GRAMD1B: variants seen among roughly 807,000 people sequenced by gnomAD.
GRAMD1B encodes the protein protein Aster-B.
GRAMD1B carries 37 observed loss-of-function variants against 99.7 expected under a neutral mutation model. The observed-to-expected ratio is 0.37, with a 90% CI of 0.29 to 0.49. GRAMD1B has a LOEUF of 0.49. Ranked by LOEUF, GRAMD1B falls within the 20% of genes least tolerant of loss-of-function variation. GRAMD1B has a pLI of 0.98. For synonymous variants in GRAMD1B, 427 were observed against 387.6 expected (o/e 1.10, Z -1.19); for missense variants, 888 against 1,009.2 (o/e 0.88, Z 1.63).
intron 2 of GRAMD1B, chr11:123,560,295 G>A: frequency 8.7e-7 from 1 of 1,147,586 alleles, no homozygotes; most frequent in Non-Finnish European, 1.1e-6. Flanking sequence ...GGGAGTCAGA[G>A]GGAGAGAGAG....
chr11:123,508,191 G>A (rs1357057016), intron 2 of GRAMD1B, among the ~76,000 whole-genome samples: 1 of 152,196 alleles, frequency 6.6e-6, no homozygotes. Context: ...AGGCTGCGGA[G>A]TCCAAAAGCA....
intron 2 of GRAMD1B, among the ~76,000 whole-genome samples, chr11:123,553,958 ACAAT>A (rs973800605): frequency 1.3e-5 from 2 of 152,180 alleles, no homozygotes; most frequent in African/African-American, 4.8e-5. Context: ...TCTTTGGCTA[ACAAT>A]CTAGCTTTCT....
At chr11:123,462,160 G>A (rs1179493818) in intron 1 of GRAMD1B, among the ~76,000 whole-genome samples, 2 of 151,254 alleles carry the variant, frequency 1.3e-5, no homozygotes, top group African/African-American at 2.4e-5. Flanking sequence ...GTAGAGATGA[G>A]GTTTCACCAT....
intron 2 of GRAMD1B, among the ~76,000 whole-genome samples, chr11:123,514,627 G>A (rs773111705): frequency 4.6e-5 from 7 of 152,182 alleles, no homozygotes; most frequent in African/African-American, 9.7e-5. Context: ...GCATGTGGAA[G>A]ACAAGAGGCA....
At chr11:123,614,963 G>C in intron 17 of GRAMD1B, 128 bp downstream of exon 17, 4 of 563,228 alleles carry the variant, frequency 7.1e-6, no homozygotes, top group Non-Finnish European at 1.3e-5. Flanking sequence ...TTATCCTCTA[G>C]TCTTCTCTGT....
At chr11:123,556,025 C>T (rs1163652571) in intron 2 of GRAMD1B, among the ~76,000 whole-genome samples, 7 of 152,298 alleles carry the variant, frequency 4.6e-5, no homozygotes, top group Admixed American at 6.5e-5. Context: ...TGAGCCACTG[C>T]GCCTGGCCTT....
At chr11:123,388,592 T>C (rs1483360343) in intron 1 of GRAMD1B, among the ~76,000 whole-genome samples, 1 of 152,016 alleles carries the variant, frequency 6.6e-6, no homozygotes, top group African/African-American at 2.4e-5. Context: ...GAGGATCACT[T>C]GAGCCAGGGA....
intron 1 of GRAMD1B, among the ~76,000 whole-genome samples, chr11:123,424,326 A>G (rs1178607417): frequency 1.3e-5 from 2 of 152,034 alleles, no homozygotes; most frequent in East Asian, 3.9e-4. Context: ...TTGCCTAAAG[A>G]ATAAAATCTA....
At chr11:123,440,220 A>G (rs1189703132) in intron 1 of GRAMD1B, among the ~76,000 whole-genome samples, 1 of 152,208 alleles carries the variant, frequency 6.6e-6, no homozygotes, top group African/African-American at 2.4e-5. Context: ...ATGCCATAAA[A>G]GTCAACGCGG....
chr11:123,451,199 C>T (rs980946167), intron 1 of GRAMD1B, among the ~76,000 whole-genome samples: 3 of 152,160 alleles, frequency 2.0e-5, no homozygotes, highest in South Asian at 2.1e-4. Flanking sequence ...GGCTCTCCCA[C>T]GGAAGGGACA....
Position 123,612,856 on chromosome 11 carries a change from GC to G in GRAMD1B, c.2017del (p.His673IlefsTer2). 1 of 1,588,596 alleles carries G rather than the reference GC, an allele frequency of 6.3e-7. No homozygotes were observed. The highest frequency in any genetic ancestry group is 8.6e-7 in the Non-Finnish European group (1 of 1,157,626). ...TGGAGTGGGCTGGAGGACTACTTCCGCCATTTAGGTGAGCACTGCAATCCTT... is the reference window on the plus strand; with the variant it reads ...TGGAGTGGGCTGGAGGACTACTTCCGCATTTAGGTGAGCACTGCAATCCTT... ...NFWSGLEDYF[R>X]HLESELAKTE... is the part of the protein sequence containing the mutation. On this transcript the variant is annotated frameshift_variant, in exon 15 of 20. Coordinates refer to ENST00000635736, the MANE Select transcript of GRAMD1B (RefSeq NM_001387025.1). LOFTEE classifies it high-confidence loss of function.
chr11:123,495,110 T>TAC (rs1292402065), intron 2 of GRAMD1B, among the ~76,000 whole-genome samples: 1 of 96,916 alleles, frequency 1.0e-5, no homozygotes, highest in African/African-American at 5.8e-5. Flanking sequence ...TATGTATATA[T>TAC]ACATACACAC....
intron 7 of GRAMD1B, chr11:123,598,873 GA>G: frequency 7.2e-7 from 1 of 1,383,400 alleles, no homozygotes; most frequent in Non-Finnish European, 1.0e-6. Flanking sequence ...GTGTAATCCT[GA>G]AGGTACTCAA....
upstream of GRAMD1B, among the ~76,000 whole-genome samples, chr11:123,427,861 T>A (rs554106069): frequency 6.6e-6 from 1 of 152,298 alleles, no homozygotes; most frequent in East Asian, 1.9e-4. Flanking sequence ...AAGGCTTGAA[T>A]TAAATCTCAC....
chr11:123,437,337 G>A lies in GRAMD1B; in HGVS notation c.374+6171G>A, dbSNP rs144850574. 4.6e-5 allele frequency among the ~76,000 whole-genome samples: 7 copies of A among 152,270 alleles called. No individual in the cohort carries two copies. In the East Asian group the frequency reaches 1.4e-3, roughly 29 times the overall value. ...ATTGGAACCCTTCTCTGAATTGCTAGGTTCAGAAAACTCAGAAATTAGATG... is the reference window on the plus strand; with the variant it reads ...ATTGGAACCCTTCTCTGAATTGCTAAGTTCAGAAAACTCAGAAATTAGATG... On this transcript the variant is annotated intron_variant, in intron 1 of 19. Transcript: ENST00000635736.
intron 4 of GRAMD1B, among the ~76,000 whole-genome samples, chr11:123,592,887 C>T (rs1950832770): frequency 6.6e-6 from 1 of 151,996 alleles, no homozygotes; most frequent in Non-Finnish European, 1.5e-5. Context: ...CATTTGTGGG[C>T]ACGTATTTTC....
rs1322567746 is a variant in GRAMD1B at position 123,548,313 on chromosome 11, T to TACAC, written c.453-29053_453-29052insCACA. 5.8e-5 allele frequency among the ~76,000 whole-genome samples: 5 copies of TACAC among 85,490 alleles called. No individual in the cohort carries two copies. The East Asian group carries it at 1.1e-3, about 18-fold the overall frequency. The allele number at this position is 85,490 out of a possible 152,430, so 56.1% of individuals were successfully genotyped here. ...CAAAATATATATATATATATATATA[T>TACAC]ATATATATATATACACACACACACA... On this transcript the variant is annotated intron_variant, in intron 2 of 19. Transcript: ENST00000635736.
intron 3 of GRAMD1B, among the ~76,000 whole-genome samples, chr11:123,579,730 A>T (rs1183008940): frequency 6.6e-6 from 1 of 152,120 alleles, no homozygotes; most frequent in Non-Finnish European, 1.5e-5. Context: ...TTCCATCCAG[A>T]TTCTGTACAC....
intron 2 of GRAMD1B, among the ~76,000 whole-genome samples, chr11:123,526,448 A>G (rs970926587): frequency 2.0e-5 from 3 of 152,142 alleles, no homozygotes; most frequent in Admixed American, 6.5e-5. Context: ...ACGTTCTCCA[A>G]CTTCGAGTAC....
Sources: gnomAD v4.1 joint callset for allele counts (sites outside exome capture counted in the v4.1 genomes callset) on GRCh38, gnomAD v4.1.1 for gene constraint, MANE v1.5 for transcripts, NCBI Gene and HGNC (gene_info 2026-07-23, HGNC 2026-07-21) for gene names.